Variants in ATG2A observed in about 807,000 individuals in gnomAD.
The protein encoded by ATG2A is autophagy related 2A, also known as autophagy-related protein 2 homolog A.
ATG2A carries 103 observed loss-of-function variants against 214.2 expected under a neutral mutation model. That is an observed-to-expected ratio of 0.48 (90% CI 0.41 to 0.57). ATG2A has a LOEUF of 0.57. ATG2A is among the 20% of genes least tolerant of loss of function. The probability of loss-of-function intolerance (pLI) is 0.00; values close to 1 mark genes in which losing one functional copy is unlikely to be tolerated. For synonymous variants in ATG2A, 1,160 were observed against 1,142.1 expected (o/e 1.02, Z -0.32); for missense variants, 2,312 against 2,613.2 (o/e 0.88, Z 2.51).
At chr11:64,902,992 G>A (rs991146495) in intron 26 of ATG2A, among the ~76,000 whole-genome samples, 1 of 150,766 alleles carries the variant, frequency 6.6e-6, no homozygotes, top group Non-Finnish European at 1.5e-5. Context: ...TCTTACAGGA[G>A]ATGAATCCGG....
chr11:64,903,188 G>A lies in ATG2A; in HGVS notation c.3612+100C>T. ...CCCAGGAAGGGCAGGCATGAACTGT[G>A]TCCGGAGCCCAGGCACGTGAGGGAG... On this transcript the variant is annotated intron_variant, in intron 26 of 40. Transcript: ENST00000377264. This position sits in a 1 kb window ranked among gnomAD's most constrained non-coding sequence, Gnocchi z 4.2. 1.8e-6 allele frequency: 2 copies of A among 1,130,504 alleles called. No individual in the cohort carries two copies. Among genetic ancestry groups the A allele is most frequent in the South Asian group, 2.6e-5 (2 of 77,062 alleles). 70.0% of individuals were successfully genotyped at this position (1,130,504 alleles called of 1,614,324 possible).
intron 26 of ATG2A, 82 bp from the exon 27 acceptor site, chr11:64,902,762 C>T: frequency 7.5e-7 from 1 of 1,327,372 alleles, no homozygotes; most frequent in East Asian, 2.4e-5. Context: ...TGGGAGGGCA[C>T]CGCAGTTCTG....
chr11:64,916,174 A>G (rs1327778005), intron 1 of ATG2A, among the ~76,000 whole-genome samples: 2 of 152,118 alleles, frequency 1.3e-5, no homozygotes, highest in Middle Eastern at 6.3e-3. Context: ...CACCGTTCCC[A>G]GCCTCAAGCC....
Position 64,897,830 on chromosome 11 carries a change from G to A in ATG2A, c.4994+9C>T. On this transcript the variant is annotated intron_variant, in intron 35 of 40. Coordinates refer to ENST00000377264, the MANE Select transcript of ATG2A (RefSeq NM_015104.3). ...CCCAGGGCCCCCCACCCGCAGTCCAGCAGCCTACCTGAAGTAGATGGGCTG... is the reference window on the plus strand; with the variant it reads ...CCCAGGGCCCCCCACCCGCAGTCCAACAGCCTACCTGAAGTAGATGGGCTG... 1 of 1,612,090 alleles carries A rather than the reference G, an allele frequency of 6.2e-7. No individual in the cohort carries two copies. The highest frequency in any genetic ancestry group is 1.3e-5 in the African/African-American group (1 of 75,052).
In ATG2A at chr11:64,905,583, G is replaced by A; in HGVS notation, c.3444C>T (p.Asp1148=). Residue 1148 remains aspartate, a synonymous_variant, in exon 24 of 41, where the codon GAC becomes GAT. Transcript: ENST00000377264. ...TFTLSSNIIM[D]TSTFLLRFIL... Reference sequence around the variant, plus strand: ...CATACCTGAGCAGGAAGGTGGAGGTGTCCATGATGATGTTGCTGGAGAGAG... The same window carrying A: ...CATACCTGAGCAGGAAGGTGGAGGTATCCATGATGATGTTGCTGGAGAGAG... 6.2e-7 allele frequency: 1 copy of A among 1,612,764 alleles called. No homozygotes were observed. The highest frequency in any genetic ancestry group is 8.5e-7 in the Non-Finnish European group (1 of 1,179,556).
At chr11:64,915,914 G>C (rs563116421) in intron 1 of ATG2A, among the ~76,000 whole-genome samples, 6 of 152,238 alleles carry the variant, frequency 3.9e-5, no homozygotes, top group South Asian at 2.1e-4. Flanking sequence ...GCAGGCCACT[G>C]GGGGGTGCCC....
At chr11:64,905,680 C>G in intron 23 of ATG2A, 25 bp from the exon 24 acceptor site, 6 of 1,613,426 alleles carry the variant, frequency 3.7e-6, no homozygotes, top group Non-Finnish European at 5.1e-6. Context: ...CGGGCTGGGG[C>G]CGGCTCCTTA....
Position 64,896,821 on chromosome 11 carries a change from C to A in ATG2A, c.5199G>T (p.Leu1733=). The change falls in exon 38 of 41, where the codon CTG becomes CTT. Residue 1733 remains leucine, a synonymous_variant. Transcript: ENST00000377264. ...GCAGCTGGTTCTTGCGGATGTCCTG[C>A]AGCCACTCGTTGAGGGCATAGCCCA... is the stretch of plus-strand genomic sequence containing the variant. The part of the protein sequence containing the change: ...KVLGYALNEW[L]QDIRKNQLPG... 1 of 1,614,200 alleles carries A rather than the reference C, an allele frequency of 6.2e-7. No individual in the cohort carries two copies. The highest frequency in any genetic ancestry group is 1.7e-5 in the Admixed American group (1 of 60,034).
At chr11:64,906,929 C>A (rs1944574131) in intron 19 of ATG2A, 114 bp from the exon 20 acceptor site, 3 of 1,289,032 alleles carry the variant, frequency 2.3e-6, no homozygotes, top group Middle Eastern at 5.4e-4. Context: ...CCAGTTTCCA[C>A]CATGGACGCT....
chr11:64,897,310 C>G (rs965978169), intron 37 of ATG2A, 102 bp downstream of exon 37: 4 of 1,381,186 alleles, frequency 2.9e-6, no homozygotes, highest in South Asian at 2.6e-5. Flanking sequence ...AACTGAGGCC[C>G]TGAGAAGGGT....
At position 64,900,621 on chromosome 11, in the gene ATG2A, G is replaced by A. The variant is rs762991248; in HGVS notation, c.4337C>T (p.Thr1446Ile). Residue 1446 changes from threonine to isoleucine, a missense_variant, in exon 31 of 41, where the codon ACT (threonine) becomes ATT (isoleucine). Physicochemically the swap from Thr to Ile is moderately conservative, Grantham distance 89. Transcript: ENST00000377264. ...GGAGCTCCTGGGACCTGAGAGGCCA[G>A]TTCTTGCCCTGGGAAGAGGGACAGG... ...FGPHPGHRARTGLSGPRSSPS... is the reference protein window; with the variant it reads ...FGPHPGHRARIGLSGPRSSPS... The A allele has an allele frequency of 6.2e-7, 1 of 1,605,762 alleles. No individual in the cohort carries two copies. The highest frequency in any genetic ancestry group is 1.1e-5 in the South Asian group (1 of 90,248).
rs1447723020 is a variant in ATG2A, at chr11:64,914,363, G to A, written c.309C>T (p.Leu103=). The A allele has an allele frequency of 1.9e-6, 3 of 1,608,556 alleles. No individual in the cohort carries two copies. The highest frequency in any genetic ancestry group is 3.4e-5 in the Admixed American group (2 of 59,456). Residue 103 remains leucine, a synonymous_variant, in exon 2 of 41, where the codon CTC becomes CTT. Transcript: ENST00000377264. ...HCTVRVSGLQ[L]TLQPRRGPAP... ...CTGGACCCCGGCGGGGCTGCAAGGT[G>A]AGCTGGAGGCCGGACACGCGCACTG...
Position 64,897,929 on chromosome 11 carries a change from T to C in ATG2A, c.4904A>G (p.Gln1635Arg). ...ACCAGTGGTCTCTACGCCTTCGGCC[T>C]GCCCTTCCAGGGGGCTGCTGGGCTG... is the stretch of plus-strand genomic sequence containing the variant. ...RAQPSSPLEGQAEGVETTGSQ... is the reference protein window; with the variant it reads ...RAQPSSPLEGRAEGVETTGSQ... The change falls in exon 35 of 41, where the codon CAG (glutamine) becomes CGG (arginine). Residue 1635 changes from glutamine (Q) to arginine (R), a missense_variant. Gln to Arg is a conservative substitution (Grantham distance 43). Transcript: ENST00000377264. 1.3e-6 allele frequency: 2 copies of C among 1,549,964 alleles called. No homozygotes were observed. Among genetic ancestry groups the C allele is most frequent in the Non-Finnish European group, 8.7e-7 (1 of 1,149,636 alleles).
chr11:64,907,492 C>G, intron 18 of ATG2A, 33 bp downstream of exon 18: 2 of 1,611,822 alleles, frequency 1.2e-6, no homozygotes, highest in Non-Finnish European at 8.5e-7. Flanking sequence ...CCTGGGGGTC[C>G]TCCCTCTAGC....
chr11:64,908,563 A>G (rs1336671918), intron 16 of ATG2A, among the ~76,000 whole-genome samples: 2 of 150,804 alleles, frequency 1.3e-5, no homozygotes, highest in South Asian at 2.1e-4. Context: ...AAAAAAAAAG[A>G]AAAAAAAAGA....
chr11:64,912,283 G>A, intron 7 of ATG2A, 34 bp from the exon 8 acceptor site: 1 of 1,608,226 alleles, frequency 6.2e-7, no homozygotes, highest in South Asian at 1.1e-5. Flanking sequence ...TGGGCTGGCT[G>A]GCCCTCCCAG....
intron 31 of ATG2A, 86 bp downstream of exon 31, chr11:64,900,408 A>G (rs1021362550): frequency 1.3e-6 from 2 of 1,594,028 alleles, no homozygotes; most frequent in Admixed American, 3.4e-5. Context: ...TTTCCTCTGC[A>G]TTAGTCATTG....
chr11:64,904,581 G>A (rs1030803890), intron 24 of ATG2A, among the ~76,000 whole-genome samples: 5 of 151,772 alleles, frequency 3.3e-5, no homozygotes, highest in South Asian at 2.1e-4. Context: ...TTATTTTAAG[G>A]GTAACATAAT....
In ATG2A at chr11:64,901,942, C is replaced by T. The variant is rs1172865725; in HGVS notation, c.4119+20G>A. ...ACACCTGCCTGGACGGCAAACTGGT[C>T]CATCCCTCCCACCACGCACCGGGAT... On this transcript the variant is annotated intron_variant, in intron 29 of 40. Transcript: ENST00000377264. 16 of 1,609,484 alleles carry T rather than the reference C, an allele frequency of 9.9e-6. No individual in the cohort carries two copies. The highest frequency in any genetic ancestry group is 1.4e-5 in the Non-Finnish European group (16 of 1,179,760).
Sources: gnomAD v4.1 joint callset for allele counts (sites outside exome capture counted in the v4.1 genomes callset) on GRCh38, gnomAD v4.1.1 for gene constraint, Gnocchi (gnomAD v3.1) non-coding constraint, MANE v1.5 for transcripts, NCBI Gene and HGNC (gene_info 2026-07-23, HGNC 2026-07-21) for gene names.